The following FUT8 variants were observed in gnomAD, a reference collection of about 807,000 sequenced individuals.
FUT8 encodes the protein fucosyltransferase 8, also known as alpha-(1,6)-fucosyltransferase.
Under a neutral mutation model 71.3 loss-of-function variants are expected in FUT8, and 29 were observed. The ratio of observed to expected loss-of-function variants is 0.41; its 90% CI spans 0.30 to 0.55. The LOEUF is 0.55. Among genes scored for constraint, FUT8 ranks in the 20% least tolerant of loss-of-function variants. The pLI is 0.34. For synonymous variants in FUT8, 254 were observed against 239.3 expected (o/e 1.06, Z -0.57); for missense variants, 544 against 702.1 (o/e 0.77, Z 2.55).
chr14:65,376,090 CA>C, the FUT8 span, among the ~76,000 whole-genome samples: 2,011 of 116,604 alleles, frequency 0.017, 34 homozygotes, highest in African/African-American at 0.054. Flanking sequence ...GACCCTGTCT[CA>C]AAAAAAAAAA....
intron 6 of FUT8, among the ~76,000 whole-genome samples, chr14:65,668,184 C>T (rs975156959): frequency 6.6e-5 from 10 of 152,226 alleles, no homozygotes; most frequent in Middle Eastern, 3.4e-3. Context: ...ATGATGAAGA[C>T]GCCAAAAGCA....
intron 5 of FUT8, among the ~76,000 whole-genome samples, chr14:65,621,633 C>T (rs1283667237): frequency 6.6e-6 from 1 of 152,088 alleles, no homozygotes; most frequent in African/African-American, 2.4e-5. Context: ...ACGATCTCAG[C>T]TCGCTGCAAC....
At chr14:65,651,782 G>A (rs954784960) in intron 6 of FUT8, among the ~76,000 whole-genome samples, 1 of 152,136 alleles carries the variant, frequency 6.6e-6, no homozygotes, top group African/African-American at 2.4e-5. Flanking sequence ...AAATAGAGAT[G>A]ACAGAGGAAA....
chr14:65,508,869 TC>T (rs1882142124), intron 2 of FUT8, among the ~76,000 whole-genome samples: 1 of 152,248 alleles, frequency 6.6e-6, no homozygotes, highest in East Asian at 1.9e-4. Context: ...TTTCTTCCAT[TC>T]TGTGGGTTGT....
intron 2 of FUT8, among the ~76,000 whole-genome samples, chr14:65,478,359 T>C (rs79951284): frequency 0.02 from 3,094 of 152,152 alleles, 134 homozygotes; most frequent in South Asian, 0.17. Flanking sequence ...GACGTGACAC[T>C]CTGAAGAAAT....
chr14:65,518,826 T>G (rs1014373765), intron 2 of FUT8, among the ~76,000 whole-genome samples: 9 of 152,222 alleles, frequency 5.9e-5, no homozygotes, highest in Non-Finnish European at 1.3e-4. Context: ...GGCTTGTGGT[T>G]TCATTTTTGT....
At chr14:65,630,983 A>C (rs1449076227) in intron 6 of FUT8, among the ~76,000 whole-genome samples, 1 of 152,162 alleles carries the variant, frequency 6.6e-6, no homozygotes, top group African/African-American at 2.4e-5. Flanking sequence ...TAAGGTGCAC[A>C]TTTTTCTACA....
At position 65,652,217 on chromosome 14, in the gene FUT8, T is replaced by G. The variant is rs77392764; in HGVS notation, c.598-17026T>G. On this transcript the variant is annotated intron_variant, in intron 6 of 10. Coordinates refer to ENST00000673929, the MANE Select transcript of FUT8 (RefSeq NM_001371533.1). This position sits in a 1 kb window ranked among gnomAD's most constrained non-coding sequence, Gnocchi z 4.0. ...AAAGACAGGATGAGAATCAACACTT[T>G]GTAAGAGCCTTCAGTGGACCAGAAG... Among the ~76,000 whole-genome samples the G allele has an allele frequency of 1.2e-3, 185 of 152,308 alleles. 5 individuals are homozygous for G. The East Asian group carries it at 0.032, about 27-fold the overall frequency.
At chr14:65,367,148 A>G in the FUT8 span, among the ~76,000 whole-genome samples, 1 of 152,174 alleles carries the variant, frequency 6.6e-6, no homozygotes, top group Non-Finnish European at 1.5e-5. Context: ...ACTCGTTTCT[A>G]CATTACAGAA....
At chr14:65,436,808 T>C (rs2065569015) in intron 1 of FUT8, among the ~76,000 whole-genome samples, 1 of 152,180 alleles carries the variant, frequency 6.6e-6, no homozygotes, top group South Asian at 2.1e-4. Flanking sequence ...GTCTGGGCTA[T>C]ATATTTACAG....
At chr14:65,692,301 G>A (rs1182864267) in intron 7 of FUT8, among the ~76,000 whole-genome samples, 5 of 150,356 alleles carry the variant, frequency 3.3e-5, no homozygotes, top group African/African-American at 1.2e-4. Flanking sequence ...CCCAGTAGGG[G>A]CGGCCAGGCA....
intron 3 of FUT8, among the ~76,000 whole-genome samples, chr14:65,570,624 T>C (rs1886417865): frequency 6.6e-6 from 1 of 152,086 alleles, no homozygotes; most frequent in East Asian, 1.9e-4. Context: ...TTCTTGGTTC[T>C]TGCTCTTTTA....
chr14:65,458,236 C>G (rs2065923248), intron 2 of FUT8: 1 of 144,628 alleles, frequency 6.9e-6, no homozygotes, highest in Non-Finnish European at 1.5e-5. Flanking sequence ...TATAAAACAA[C>G]ATGAGAGGGT....
chr14:65,443,070 G>A (rs1178751035), intron 1 of FUT8, among the ~76,000 whole-genome samples: 1 of 152,146 alleles, frequency 6.6e-6, no homozygotes, highest in Non-Finnish European at 1.5e-5. Flanking sequence ...GAAACTTACT[G>A]TATTATCTTC....
chr14:65,411,670 A>G (rs1172941282), upstream of FUT8: 2 of 229,754 alleles, frequency 8.7e-6, no homozygotes, highest in Admixed American at 5.3e-5. Flanking sequence ...CCAAGCCTAG[A>G]GAAATGATTC....
intron 7 of FUT8, among the ~76,000 whole-genome samples, chr14:65,677,191 T>C (rs1375265759): frequency 2.0e-5 from 3 of 147,074 alleles, no homozygotes; most frequent in African/African-American, 5.0e-5. Context: ...TGTGCGCATG[T>C]GTGTTTTTAA....
In FUT8 at chr14:65,525,095, A is replaced by G. The variant is rs879736212; in HGVS notation, c.-227-36242A>G. Among the ~76,000 whole-genome samples the G allele has an allele frequency of 1.1e-4, 17 of 152,204 alleles. No homozygotes were observed. The East Asian group carries it at 3.1e-3, about 28-fold the overall frequency. ...GGCCTCATAAAATGAGTTAGGGAGG[A>G]TTTCCTCTTTTTCTATTGATGGGAA... is the stretch of plus-strand genomic sequence containing the variant. On this transcript the variant is annotated intron_variant, in intron 2 of 10. Transcript: ENST00000673929.
At chr14:65,544,022 C>T (rs1220890903) in intron 2 of FUT8, among the ~76,000 whole-genome samples, 2 of 152,072 alleles carry the variant, frequency 1.3e-5, no homozygotes, top group African/African-American at 4.8e-5. Context: ...TTAAAGTCAC[C>T]TTGAGTTGCA....
chr14:65,709,966 T>C (rs1255650448), intron 7 of FUT8, among the ~76,000 whole-genome samples: 1 of 152,224 alleles, frequency 6.6e-6, no homozygotes, highest in Non-Finnish European at 1.5e-5. Flanking sequence ...TCATCGACAT[T>C]GGTTATCAAG....
Sources: gnomAD v4.1 joint callset for allele counts (sites outside exome capture counted in the v4.1 genomes callset) on GRCh38, gnomAD v4.1.1 for gene constraint, Gnocchi (gnomAD v3.1) non-coding constraint, MANE v1.5 for transcripts, NCBI Gene and HGNC (gene_info 2026-07-23, HGNC 2026-07-21) for gene names.